The following FAT3 variants were observed in gnomAD, a reference collection of about 807,000 sequenced individuals.
FAT3 encodes protocadherin Fat 3.
FAT3 carries 95 observed loss-of-function variants against 310.2 expected under a neutral mutation model. That is an observed-to-expected ratio of 0.31 (90% CI 0.26 to 0.36). The LOEUF is 0.36. Among genes scored for constraint, FAT3 ranks in the 10% least tolerant of loss-of-function variants. FAT3 has a pLI of 1.00. For missense variants in FAT3, 5,408 were observed against 5,715.6 expected, an observed-to-expected ratio of 0.95 and a Z score of 1.74; for synonymous variants, 2,314 against 2,192.9, an observed-to-expected ratio of 1.06 and a Z score of -1.54.
intron 3 of FAT3, among the ~76,000 whole-genome samples, chr11:92,609,194 T>C (rs1019269621): frequency 6.6e-6 from 1 of 152,232 alleles, no homozygotes; most frequent in African/African-American, 2.4e-5. Context: ...GTCAGAACTC[T>C]AGTGAACTTG....
chr11:92,242,607 A>G (rs1864712876), intron 1 of FAT3, among the ~76,000 whole-genome samples: 1 of 151,974 alleles, frequency 6.6e-6, no homozygotes, highest in Admixed American at 6.6e-5. Context: ...GGAGTTTAAG[A>G]TCTGTGGATG....
intron 3 of FAT3, among the ~76,000 whole-genome samples, chr11:92,652,513 C>T (rs747869064): frequency 1.8e-4 from 28 of 152,304 alleles, no homozygotes; most frequent in Admixed American, 4.6e-4. Flanking sequence ...CTCAGAGCTA[C>T]AAACAAGGCT....
In FAT3 at chr11:92,353,876, A is replaced by G. The variant is rs753989720; in HGVS notation, c.1764A>G (p.Ser588=). 7.4e-6 allele frequency: 12 copies of G among 1,613,478 alleles called. No individual in the cohort carries two copies. In the East Asian group the frequency reaches 1.6e-4, roughly 21 times the overall value. ...AAGTGGCTTGCCAGGGAGTTATTTC[A>G]TATGACTTTCCAGTTGGTGGTCACA... The part of the protein sequence containing the change: ...FEKVACQGVI[S]YDFPVGGHIT... The change falls in exon 2 of 28, where the codon TCA becomes TCG. Residue 588 remains serine (S), a synonymous_variant. Coordinates refer to ENST00000525166, the MANE Select transcript of FAT3 (RefSeq NM_001367949.2).
intron 2 of FAT3, among the ~76,000 whole-genome samples, chr11:92,430,863 G>C (rs1275057230): frequency 6.6e-6 from 1 of 152,120 alleles, no homozygotes; most frequent in East Asian, 1.9e-4. Context: ...TGGCTGCATA[G>C]TATTCCATGG....
At chr11:92,384,269 C>G (rs903684660) in intron 2 of FAT3, among the ~76,000 whole-genome samples, 1 of 152,120 alleles carries the variant, frequency 6.6e-6, no homozygotes, top group Non-Finnish European at 1.5e-5. Flanking sequence ...TCAGACCACC[C>G]TCACTACTGC....
At chr11:92,656,923 C>A (rs1403998050) in intron 3 of FAT3, among the ~76,000 whole-genome samples, 2 of 152,026 alleles carry the variant, frequency 1.3e-5, no homozygotes, top group Non-Finnish European at 2.9e-5. Flanking sequence ...CTTCCCACCC[C>A]CTAAACACCT....
chr11:92,371,164 T>G (rs1949175810), intron 2 of FAT3, among the ~76,000 whole-genome samples: 2 of 152,234 alleles, frequency 1.3e-5, no homozygotes, highest in Non-Finnish European at 2.9e-5. Context: ...TCACTAACTC[T>G]CATTGTGTGT....
intron 9 of FAT3, among the ~76,000 whole-genome samples, chr11:92,795,068 C>T (rs1217336338): frequency 1.3e-5 from 2 of 152,150 alleles, no homozygotes; most frequent in Non-Finnish European, 2.9e-5. Context: ...TCTAAAGTAA[C>T]TACGGAAGCT....
At chr11:92,418,699 C>T (rs1950472978) in intron 2 of FAT3, among the ~76,000 whole-genome samples, 1 of 152,074 alleles carries the variant, frequency 6.6e-6, no homozygotes, top group South Asian at 2.1e-4. Context: ...CCTGTGCGTG[C>T]TCATTTCTGT....
At chr11:92,257,887 C>A (rs1865377291) in intron 1 of FAT3, among the ~76,000 whole-genome samples, 1 of 151,984 alleles carries the variant, frequency 6.6e-6, no homozygotes, top group Non-Finnish European at 1.5e-5. Flanking sequence ...GTTTGCATAC[C>A]AGAGTTTCCT....
chr11:92,366,509 T>G (rs1949026538), intron 2 of FAT3: 1 of 474,244 alleles, frequency 2.1e-6, no homozygotes, highest in Admixed American at 2.2e-5. Flanking sequence ...CTTCTTGGCC[T>G]TACCCTCGGC....
intron 6 of FAT3, among the ~76,000 whole-genome samples, chr11:92,770,319 AGAAGAGATTTTCT>A (rs1946427750): frequency 6.6e-6 from 1 of 152,210 alleles, no homozygotes; most frequent in South Asian, 2.1e-4. Context: ...ACTCGATTCT[AGAAGAGATTTTCT>A]TTCCAGCCAC....
intron 4 of FAT3, among the ~76,000 whole-genome samples, chr11:92,703,441 A>G (rs987357292): frequency 2.6e-5 from 4 of 152,216 alleles, no homozygotes; most frequent in Non-Finnish European, 5.9e-5. Context: ...AGAGAACTCT[A>G]CAGGAAGTAT....
intron 3 of FAT3, among the ~76,000 whole-genome samples, chr11:92,680,610 T>A (rs1373787161): frequency 1.3e-5 from 2 of 152,336 alleles, no homozygotes; most frequent in East Asian, 3.9e-4. Flanking sequence ...TGGTTCCATA[T>A]GAATTTTACG....
intron 6 of FAT3, among the ~76,000 whole-genome samples, chr11:92,766,053 C>A (rs184927085): frequency 1.3e-5 from 2 of 151,982 alleles, no homozygotes; most frequent in South Asian, 2.1e-4. Flanking sequence ...CAGCCTCCCC[C>A]GCAAGCCGAA....
At chr11:92,567,064 G>A (rs987307001) in intron 3 of FAT3, among the ~76,000 whole-genome samples, 1 of 152,084 alleles carries the variant, frequency 6.6e-6, no homozygotes, top group African/African-American at 2.4e-5. Flanking sequence ...AAGAGCTTCT[G>A]CACAGCAAAA....
rs187659494 is a variant in FAT3 at position 92,672,096 on chromosome 11, G to A, written c.3608-25288G>A. On this transcript the variant is annotated intron_variant, in intron 3 of 27. Coordinates refer to ENST00000525166, the MANE Select transcript of FAT3 (RefSeq NM_001367949.2). Reference sequence around the variant, plus strand: ...ATCATGCCACTGCACTACAGCCTGGGCAACAAAAGCAAAACTCTGTCTCAA... The same window carrying A: ...ATCATGCCACTGCACTACAGCCTGGACAACAAAAGCAAAACTCTGTCTCAA... 1.8e-3 allele frequency among the ~76,000 whole-genome samples: 280 copies of A among 152,196 alleles called. 2 individuals carry two copies. Among genetic ancestry groups the A allele is most frequent in the African/African-American group, 6.4e-3 (264 of 41,532 alleles).
At chr11:92,767,825 A>G (rs1489109230) in intron 6 of FAT3, among the ~76,000 whole-genome samples, 1 of 152,174 alleles carries the variant, frequency 6.6e-6, no homozygotes, top group Non-Finnish European at 1.5e-5. Context: ...CTACCAACCC[A>G]GGATGAGTGG....
In FAT3 at chr11:92,799,108, C is replaced by T; in HGVS notation, c.6095C>T (p.Ser2032Leu). ...PGNKFKIKST[S>L]GVIQTTGVPF... ...AATAAGTTCAAGATAAAATCTACCT[C>T]AGGGGTCATTCAGACGACTGGAGTC... Residue 2032 changes from serine (S) to leucine (L), a missense_variant, in exon 10 of 28, where the codon TCA (serine) becomes TTA (leucine). By Grantham distance (145) the Ser-to-Leu change is moderately radical. Around this residue, in one of 5 missense-constraint regions of FAT3, gnomAD observed 4,588 missense variants for 4,809.8 expected, o/e 0.95. Transcript: ENST00000525166. The T allele has an allele frequency of 6.2e-7, 1 of 1,613,962 alleles. No individual in the cohort carries two copies. Among genetic ancestry groups the T allele is most frequent in the African/African-American group, 1.3e-5 (1 of 75,052 alleles).
Sources: allele counts gnomAD v4.1 joint callset (sites outside exome capture counted in the v4.1 genomes callset), GRCh38; gene constraint gnomAD v4.1.1; regional missense constraint gnomAD v4.1.1; transcripts MANE v1.5; gene names NCBI Gene and HGNC (gene_info 2026-07-23, HGNC 2026-07-21).